The following SCARA3 variants were observed in gnomAD, a reference collection of about 807,000 sequenced individuals.
SCARA3 encodes scavenger receptor class A member 3, also known as cellular stress response gene protein.
SCARA3 carries 39 observed loss-of-function variants against 47.0 expected under a neutral mutation model. The observed-to-expected ratio is 0.83, with a 90% CI of 0.64 to 1.08. The LOEUF (loss-of-function observed/expected upper bound fraction) is 1.08, where lower values mean the gene tolerates loss of function less well. Ranked by LOEUF, SCARA3 falls within the 50% of genes least tolerant of loss-of-function variation. The pLI is 0.00. For missense variants in SCARA3, 724 were observed against 792.3 expected (o/e 0.91, Z 1.04); for synonymous variants, 356 against 334.1 (o/e 1.07, Z -0.71).
the SCARA3 span, among the ~76,000 whole-genome samples, chr8:27,688,655 G>A: frequency 6.6e-6 from 1 of 152,074 alleles, no homozygotes; most frequent in Non-Finnish European, 1.5e-5. Flanking sequence ...AGAGAGCAAA[G>A]TTTCAGAGCT....
chr8:27,652,812 C>G (rs764211989), intron 3 of SCARA3, among the ~76,000 whole-genome samples: 26 of 152,186 alleles, frequency 1.7e-4, no homozygotes, highest in Non-Finnish European at 3.7e-4. Context: ...CCTTGGAAAG[C>G]ATTTAAAAAT....
the SCARA3 span, among the ~76,000 whole-genome samples, chr8:27,694,614 G>A: frequency 1.3e-4 from 20 of 152,176 alleles, no homozygotes; most frequent in East Asian, 1.3e-3. Flanking sequence ...GGAAATGGAC[G>A]GTTGAGAAGC....
At chr8:27,700,218 G>GA in the SCARA3 span, among the ~76,000 whole-genome samples, 9 of 151,440 alleles carry the variant, frequency 5.9e-5, no homozygotes, top group East Asian at 3.9e-4. Flanking sequence ...AACATGAAAA[G>GA]AAAAAAAATC....
intron 2 of SCARA3, among the ~76,000 whole-genome samples, chr8:27,650,413 GC>G (rs1213896800): frequency 5.3e-5 from 8 of 152,158 alleles, no homozygotes; most frequent in Admixed American, 5.2e-4. Flanking sequence ...CTTCTAGCTG[GC>G]CTGGAACTGT....
Position 27,659,437 on chromosome 8 carries a change from C to T in SCARA3, c.1267C>T (p.Arg423Trp), listed in dbSNP as rs374059713. The T allele has an allele frequency of 1.7e-5, 27 of 1,613,756 alleles. No homozygotes were observed. The highest frequency in any genetic ancestry group is 1.6e-4 in the East Asian group (7 of 44,860). Residue 423 changes from arginine (R) to tryptophan (W), a missense_variant, in exon 5 of 6, where the codon CGG (arginine) becomes TGG (tryptophan). Arg to Trp is a moderately radical substitution (Grantham distance 101). Transcript: ENST00000301904. ...GGAGCGCTTCAGCCTGCTCAGTGCC[C>T]GGCTGGACCTCAACGTCCGGAACCT... Reference protein sequence around the residue: ...LRERFSLLSARLDLNVRNLSM... With the variant: ...LRERFSLLSAWLDLNVRNLSM...
the SCARA3 span, among the ~76,000 whole-genome samples, chr8:27,696,050 C>G: frequency 6.6e-6 from 1 of 151,622 alleles, no homozygotes; most frequent in African/African-American, 2.4e-5. Flanking sequence ...CAAGATTTTG[C>G]CCAGGCTGGA....
chr8:27,679,239 A>C (rs1326916472), downstream of SCARA3, among the ~76,000 whole-genome samples: 1 of 151,648 alleles, frequency 6.6e-6, no homozygotes, highest in Non-Finnish European at 1.5e-5. Flanking sequence ...TCTCTACTAA[A>C]ATACAAAAAA....
intron 1 of SCARA3, among the ~76,000 whole-genome samples, chr8:27,643,501 G>T (rs1485956201): frequency 1.3e-5 from 2 of 152,186 alleles, no homozygotes; most frequent in Non-Finnish European, 2.9e-5. Context: ...GACCTGAGCG[G>T]GCAGGCGGAT....
chr8:27,723,527 C>T, the SCARA3 span, among the ~76,000 whole-genome samples: 10 of 152,182 alleles, frequency 6.6e-5, no homozygotes, highest in African/African-American at 2.2e-4. Flanking sequence ...TCATCTACCA[C>T]GTTCTGGAAG....
chr8:27,650,257 AT>A (rs574110734), intron 2 of SCARA3, among the ~76,000 whole-genome samples: 14 of 152,162 alleles, frequency 9.2e-5, no homozygotes, highest in Middle Eastern at 3.4e-3. Context: ...AGCCTCCCAA[AT>A]TGCTGGGGTT....
In SCARA3 at chr8:27,658,923, T is replaced by G. The variant is rs1801823583; in HGVS notation, c.753T>G (p.Ile251Met). The G allele has an allele frequency of 1.7e-5, 28 of 1,614,010 alleles. No individual in the cohort carries two copies. The highest frequency in any genetic ancestry group is 2.4e-5 in the Non-Finnish European group (28 of 1,180,012). The change falls in exon 5 of 6, where the codon ATT becomes ATG. Residue 251 changes from isoleucine (I) to methionine (M), a missense_variant. Transcript: ENST00000301904. ...TDEETLTLQK[I>M]VTDWQNYTRL... is the part of the protein sequence containing the mutation. ...AGGAGACCCTGACCCTCCAGAAGAT[T>G]GTCACCGACTGGCAGAACTACACAC...
chr8:27,691,190 GC>G, the SCARA3 span, among the ~76,000 whole-genome samples: 2 of 145,088 alleles, frequency 1.4e-5, no homozygotes, highest in Non-Finnish European at 3.1e-5. Context: ...AAGAAGGCAG[GC>G]TGCCTTTCCA....
chr8:27,683,352 G>A, the SCARA3 span, among the ~76,000 whole-genome samples: 1 of 152,158 alleles, frequency 6.6e-6, no homozygotes, highest in South Asian at 2.1e-4. Context: ...CTTGATTAGG[G>A]GTGGTGGTTA....
intron 5 of SCARA3, among the ~76,000 whole-genome samples, chr8:27,660,807 T>C (rs886691397): frequency 3.4e-5 from 5 of 148,858 alleles, no homozygotes; most frequent in Non-Finnish European, 7.4e-5. Flanking sequence ...ATGAGATAGA[T>C]AGAAAATAGA....
At position 27,659,556 on chromosome 8, in the gene SCARA3, G is replaced by C; in HGVS notation, c.1369+17G>C. 1 of 1,575,204 alleles carries C rather than the reference G, an allele frequency of 6.3e-7. No individual in the cohort carries two copies. Reference sequence around the variant, plus strand: ...TCCTACGAGGTAAGAGCTGGGTCCAGGTAGGGCTGCTACAAAGCTTCCACT... The same window carrying C: ...TCCTACGAGGTAAGAGCTGGGTCCACGTAGGGCTGCTACAAAGCTTCCACT... On this transcript the variant is annotated intron_variant, in intron 5 of 5. Transcript: ENST00000301904.
At chr8:27,676,058 A>T (rs750075002), downstream of SCARA3, among the ~76,000 whole-genome samples, 1 of 152,200 alleles carries the variant, frequency 6.6e-6, no homozygotes, top group African/African-American at 2.4e-5. Flanking sequence ...GTGTGTTTGC[A>T]TTTTATAGAT....
At chr8:27,693,130 A>G in the SCARA3 span, among the ~76,000 whole-genome samples, 2 of 111,786 alleles carry the variant, frequency 1.8e-5, no homozygotes. Context: ...GTCTCAAAAA[A>G]AAAAAAAAAA....
chr8:27,635,840 T>A (rs1166905530), intron 1 of SCARA3, among the ~76,000 whole-genome samples: 1 of 152,050 alleles, frequency 6.6e-6, no homozygotes, highest in East Asian at 1.9e-4. Context: ...GCCCCACAAA[T>A]TATGTAGCTG....
At chr8:27,686,377 G>A in the SCARA3 span, among the ~76,000 whole-genome samples, 11 of 151,998 alleles carry the variant, frequency 7.2e-5, no homozygotes, top group Admixed American at 5.9e-4. Context: ...CTGGGAGGTC[G>A]AGGCTGCAGT....
Sources: gnomAD v4.1 joint callset for allele counts (sites outside exome capture counted in the v4.1 genomes callset) on GRCh38, gnomAD v4.1.1 for gene constraint, MANE v1.5 for transcripts, NCBI Gene and HGNC (gene_info 2026-07-23, HGNC 2026-07-21) for gene names.